Variants in SLC35F3 observed in about 807,000 individuals in gnomAD.
SLC35F3 encodes the protein putative thiamine transporter SLC35F3.
Under a neutral mutation model 49.9 loss-of-function variants are expected in SLC35F3, and 25 were observed. The ratio of observed to expected loss-of-function variants is 0.50; its 90% CI spans 0.37 to 0.70. SLC35F3 has a LOEUF of 0.70. SLC35F3 is among the 30% of genes least tolerant of loss of function. The pLI is 0.00. For synonymous variants in SLC35F3, 275 were observed against 265.4 expected (o/e 1.04, Z -0.35); for missense variants, 525 against 639.8 (o/e 0.82, Z 1.94).
chr1:234,075,124 T>A (rs942795161), intron 2 of SLC35F3, among the ~76,000 whole-genome samples: 1 of 152,024 alleles, frequency 6.6e-6, no homozygotes, highest in African/African-American at 2.4e-5. Flanking sequence ...AATCATACAG[T>A]GAAAGAGAAA....
At chr1:234,187,275 A>C (rs1666656328) in intron 2 of SLC35F3, among the ~76,000 whole-genome samples, 1 of 152,166 alleles carries the variant, frequency 6.6e-6, no homozygotes, top group Non-Finnish European at 1.5e-5. Context: ...CGAATGGAAA[A>C]CCCACCATTC....
At chr1:234,275,047 G>A (rs1668178141) in intron 3 of SLC35F3, among the ~76,000 whole-genome samples, 1 of 152,094 alleles carries the variant, frequency 6.6e-6, no homozygotes, top group Non-Finnish European at 1.5e-5. Flanking sequence ...CCTTCTGAAA[G>A]CCTCCCTCAT....
At chr1:233,930,789 C>G (rs1662231114) in intron 2 of SLC35F3, among the ~76,000 whole-genome samples, 1 of 152,134 alleles carries the variant, frequency 6.6e-6, no homozygotes, top group African/African-American at 2.4e-5. Context: ...AAGAGAATCT[C>G]AAGGAAAAGA....
At chr1:234,078,913 AAG>A (rs531253640) in intron 2 of SLC35F3, among the ~76,000 whole-genome samples, 98 of 152,328 alleles carry the variant, frequency 6.4e-4, no homozygotes, top group Admixed American at 1.1e-3. Flanking sequence ...GTGATCTGCA[AAG>A]AGAGAATTAA....
At chr1:234,108,387 AAAGATATATATTTATATATAT>A (rs1474235151) in intron 2 of SLC35F3, among the ~76,000 whole-genome samples, 1 of 95,456 alleles carries the variant, frequency 1.0e-5, no homozygotes, top group East Asian at 4.6e-3. Context: ...TATATATATA[AAAGATATATATTTATATATAT>A]GATATATATT....
In SLC35F3 at chr1:234,320,255, TACAC is replaced by T. The variant is rs1572152047; in HGVS notation, c.1237+73_1237+76del. ...ACTCAGTCACCTACTCACACACACA[TACAC>T]ACACTCATGCATACATACACACTCA... On this transcript the variant is annotated intron_variant, in intron 7 of 7. Coordinates refer to ENST00000366618, the MANE Select transcript of SLC35F3 (RefSeq NM_173508.4). The surrounding 1 kb of genome is among the most constrained non-coding windows in gnomAD (Gnocchi z 4.8). 2.7e-6 allele frequency: 3 copies of T among 1,094,352 alleles called. No homozygotes were observed. Among genetic ancestry groups the T allele is most frequent in the Admixed American group, 1.7e-5 (1 of 58,860 alleles). 67.8% of individuals were successfully genotyped at this position (1,094,352 alleles called of 1,614,324 possible).
chr1:233,904,928 C>T lies in SLC35F3; in HGVS notation c.-150C>T. 1.3e-6 allele frequency: 1 copy of T among 796,634 alleles called. No individual in the cohort carries two copies. Among genetic ancestry groups the T allele is most frequent in the South Asian group, 2.1e-5 (1 of 48,182 alleles). 49.3% of individuals were successfully genotyped at this position (796,634 alleles called of 1,614,324 possible). A position where few individuals can be genotyped will look rare whatever the true frequency, so the allele number is the denominator to read the frequency against. ...CGCTCGGGTACAGACCGCGCGGGCG[C>T]GCACAAAGCGGCCCGGGGCGGCCGG... On this transcript the variant is annotated 5_prime_UTR_variant, in exon 1 of 8. Transcript: ENST00000366618.
intron 2 of SLC35F3, among the ~76,000 whole-genome samples, chr1:234,025,356 A>G (rs910838940): frequency 3.9e-5 from 6 of 152,256 alleles, no homozygotes; most frequent in South Asian, 2.1e-4. Context: ...TGCTGGGTTG[A>G]ATGGTAATTC....
chr1:234,081,460 G>A (rs1664874023), intron 2 of SLC35F3, among the ~76,000 whole-genome samples: 1 of 152,156 alleles, frequency 6.6e-6, no homozygotes, highest in African/African-American at 2.4e-5. Context: ...CTGTTTCCCA[G>A]AGTCAGGACC....
chr1:234,232,519 CAAAAAAAAAAAAAA>C (rs536692686), intron 3 of SLC35F3, among the ~76,000 whole-genome samples: 3 of 72,362 alleles, frequency 4.1e-5, no homozygotes, highest in South Asian at 1.1e-3. Flanking sequence ...CAGGCCTAGT[CAAAAAAAAAAAAAA>C]AAAAAAAGAA....
rs562275030 is a variant in SLC35F3 at position 234,233,981 on chromosome 1, G to C, written c.608+2240G>C. Among the ~76,000 whole-genome samples, 17 of 152,306 alleles carry C rather than the reference G, an allele frequency of 1.1e-4. No homozygotes were observed. In the South Asian group the frequency reaches 3.5e-3, roughly 32 times the overall value. On this transcript the variant is annotated intron_variant, in intron 3 of 7. Transcript: ENST00000366618. ...CCATATACACCATTGGAGGGGTGAA[G>C]AGAGATCCTTCCTCAAAAGGAGAGA...
intron 2 of SLC35F3, among the ~76,000 whole-genome samples, chr1:233,948,225 G>T: frequency 7.5e-6 from 1 of 132,938 alleles, no homozygotes; most frequent in South Asian, 2.3e-4. Flanking sequence ...GAGAGGGAGA[G>T]AGGGAGAGAG....
At chr1:233,987,295 AAAG>A (rs1206371068) in intron 2 of SLC35F3, among the ~76,000 whole-genome samples, 4 of 152,202 alleles carry the variant, frequency 2.6e-5, no homozygotes, top group African/African-American at 9.7e-5. Context: ...TCTCAAAAAG[AAAG>A]AAAAAGAAAT....
chr1:233,973,630 G>T (rs763559936), intron 2 of SLC35F3, among the ~76,000 whole-genome samples: 1 of 152,158 alleles, frequency 6.6e-6, no homozygotes, highest in Non-Finnish European at 1.5e-5. Context: ...ATTTATAACC[G>T]ACAAAAGGCT....
intron 3 of SLC35F3, among the ~76,000 whole-genome samples, chr1:234,252,699 A>G: frequency 6.6e-6 from 1 of 152,234 alleles, no homozygotes; most frequent in East Asian, 1.9e-4. Context: ...TAAATTTTAA[A>G]AAGGAGACTT....
intron 3 of SLC35F3, among the ~76,000 whole-genome samples, chr1:234,269,622 A>G (rs182908242): frequency 6.6e-6 from 1 of 151,976 alleles, no homozygotes; most frequent in East Asian, 1.9e-4. Flanking sequence ...TCCCCTCTAA[A>G]TCTCATGTTG....
intron 3 of SLC35F3, among the ~76,000 whole-genome samples, chr1:234,271,424 T>C (rs1041168686): frequency 3.3e-5 from 5 of 152,198 alleles, no homozygotes; most frequent in South Asian, 2.1e-4. Flanking sequence ...AAACTAGTAA[T>C]ACAGAAACTG....
intron 2 of SLC35F3, among the ~76,000 whole-genome samples, chr1:234,150,728 C>T (rs1037050127): frequency 6.6e-6 from 1 of 152,078 alleles, no homozygotes; most frequent in Non-Finnish European, 1.5e-5. Context: ...AATAAAGCAA[C>T]TAAATAGCAA....
intron 2 of SLC35F3, among the ~76,000 whole-genome samples, chr1:233,963,457 C>T (rs778691693): frequency 1.2e-4 from 18 of 152,242 alleles, no homozygotes; most frequent in Middle Eastern, 6.8e-3. Context: ...CCCGCCACCA[C>T]GCCCAGCTAA....
Sources: allele counts gnomAD v4.1 joint callset (sites outside exome capture counted in the v4.1 genomes callset), GRCh38; gene constraint gnomAD v4.1.1; non-coding constraint Gnocchi (gnomAD v3.1); transcripts MANE v1.5; gene names NCBI Gene and HGNC (gene_info 2026-07-23, HGNC 2026-07-21).